Variants in INTS8 observed in about 807,000 individuals in gnomAD.
INTS8 encodes the protein integrator complex subunit 8.
Under a neutral mutation model 138.9 loss-of-function variants are expected in INTS8, and 47 were observed. The observed-to-expected ratio is 0.34, with a 90% CI of 0.27 to 0.43. INTS8 has a LOEUF of 0.43. Ranked by LOEUF, INTS8 falls within the 20% of genes least tolerant of loss-of-function variation. The pLI is 1.00. For missense variants in INTS8, 996 were observed against 1,173.0 expected, an observed-to-expected ratio of 0.85 and a Z score of 2.20; for synonymous variants, 392 against 400.9, an observed-to-expected ratio of 0.98 and a Z score of 0.27.
At chr8:94,866,320 T>G (rs746657695) in intron 18 of INTS8, 129 bp downstream of exon 18, 3 of 640,692 alleles carry the variant, frequency 4.7e-6, no homozygotes, top group African/African-American at 1.8e-5. Flanking sequence ...AGGGACAGGG[T>G]CTTGATCTGT....
chr8:94,868,362 C>G (rs562352840), intron 20 of INTS8, among the ~76,000 whole-genome samples: 1 of 152,122 alleles, frequency 6.6e-6, no homozygotes, highest in Non-Finnish European at 1.5e-5. Flanking sequence ...GAAAAGATTT[C>G]GGTACATAGA....
rs376492759 is a variant in INTS8 at position 94,850,231 on chromosome 8, G to A, written c.1507+140G>A. ...ATTAATAGAAATTCACCTGTCTTCCGTATCAGATTTCTGTATAAGCAGTTA... is the reference window on the plus strand; with the variant it reads ...ATTAATAGAAATTCACCTGTCTTCCATATCAGATTTCTGTATAAGCAGTTA... On this transcript the variant is annotated intron_variant, in intron 12 of 26. Transcript: ENST00000523731. 353 of 607,568 alleles carry A rather than the reference G, an allele frequency of 5.8e-4. 3 individuals carry two copies. The South Asian group carries it at 6.2e-3, about 11-fold the overall frequency. 37.6% of individuals were successfully genotyped at this position (607,568 alleles called of 1,614,324 possible).
In INTS8 at chr8:94,848,013, C is replaced by CTTTTT. The variant is rs58388097; in HGVS notation, c.1261-1440_1261-1436dup. 6.2e-5 allele frequency among the ~76,000 whole-genome samples: 8 copies of CTTTTT among 130,018 alleles called. 1 individual carries two copies. The highest frequency in any genetic ancestry group is 1.7e-4 in the African/African-American group (6 of 34,616). 85.3% of individuals were successfully genotyped at this position (130,018 alleles called of 152,430 possible). ...TGAACATAGCACTTTTAAAACACTGCTTTTTTTTTTTTTGAGATGGAGTCT... is the reference window on the plus strand; with the variant it reads ...TGAACATAGCACTTTTAAAACACTGCTTTTTTTTTTTTTTTTTTGAGATGGAGTCT... On this transcript the variant is annotated intron_variant, in intron 10 of 26. Transcript: ENST00000523731.
At chr8:94,829,580 A>G (rs548751846) in intron 5 of INTS8, among the ~76,000 whole-genome samples, 5 of 152,256 alleles carry the variant, frequency 3.3e-5, no homozygotes, top group African/African-American at 9.6e-5. Context: ...GTACCAGTCC[A>G]TGGCCTGGGG....
intron 20 of INTS8, 134 bp downstream of exon 20, chr8:94,867,471 A>G (rs988120344): frequency 4.9e-6 from 3 of 612,244 alleles, no homozygotes; most frequent in African/African-American, 3.8e-5. Flanking sequence ...GTGTTTCTCT[A>G]TTATGATAAT....
At chr8:94,858,269 G>T (rs1004709745) in intron 15 of INTS8, among the ~76,000 whole-genome samples, 1 of 152,190 alleles carries the variant, frequency 6.6e-6, no homozygotes, top group African/African-American at 2.4e-5. Flanking sequence ...AAGTGCTACC[G>T]TCTTGAGTCC....
At chr8:94,874,997 G>C (rs10100651) in intron 23 of INTS8, among the ~76,000 whole-genome samples, 75,516 of 151,902 alleles carry the variant, frequency 0.5, 18,923 homozygotes, top group East Asian at 0.65. Context: ...ACCCTCATAT[G>C]TTGCTGGTGG....
intron 12 of INTS8, among the ~76,000 whole-genome samples, chr8:94,851,195 G>A (rs934992884): frequency 1.3e-5 from 2 of 151,940 alleles, no homozygotes; most frequent in Admixed American, 1.3e-4. Context: ...ATATGCTTCT[G>A]TTAACACATT....
intron 2 of INTS8, among the ~76,000 whole-genome samples, 158 bp from the exon 3 acceptor site, chr8:94,827,104 CA>C (rs1184684653): frequency 6.7e-6 from 1 of 150,288 alleles, no homozygotes; most frequent in Admixed American, 6.6e-5. Context: ...GACTCTGTCT[CA>C]AAAAAAAGAA....
intron 6 of INTS8, 30 bp downstream of exon 6, chr8:94,832,204 G>A (rs1174560691): frequency 6.4e-7 from 1 of 1,562,526 alleles, no homozygotes. Flanking sequence ...TTTACGTAGG[G>A]CAATTTTTTG....
chr8:94,869,454 C>T (rs1003878379), intron 20 of INTS8, among the ~76,000 whole-genome samples: 8 of 152,062 alleles, frequency 5.3e-5, no homozygotes, highest in Non-Finnish European at 1.0e-4. Flanking sequence ...TGTGCCACCA[C>T]ACCTGGCTAA....
intron 13 of INTS8, among the ~76,000 whole-genome samples, chr8:94,853,047 A>G (rs545035814): frequency 6.6e-6 from 1 of 152,200 alleles, no homozygotes; most frequent in Admixed American, 6.5e-5. Context: ...GCAGTGGCTC[A>G]TTGCCTGTAA....
In INTS8 at chr8:94,874,549, T is replaced by C. The variant is rs1473258615; in HGVS notation, c.2638-3T>C. 1 of 1,550,168 alleles carries C rather than the reference T, an allele frequency of 6.5e-7. No homozygotes were observed. The highest frequency in any genetic ancestry group is 1.7e-5 in the Admixed American group (1 of 59,728). On this transcript the variant is annotated splice_polypyrimidine_tract_variant and splice_region_variant and intron_variant, in intron 22 of 26. Transcript: ENST00000523731. ...GAAAATAATGAGAATTTTGCTTTTG[T>C]AGGTAATAAAACGAATGATAAAATG... is the stretch of plus-strand genomic sequence containing the variant.
At chr8:94,854,410 G>A (rs1815670466) in intron 14 of INTS8, among the ~76,000 whole-genome samples, 1 of 152,074 alleles carries the variant, frequency 6.6e-6, no homozygotes, top group African/African-American at 2.4e-5. Flanking sequence ...AATGAATACT[G>A]CTCTGTGCCT....
Position 94,853,933 on chromosome 8 carries a change from TC to T in INTS8, c.1752+19del. ...CTGTTAAGGTGAGTAAAAGTGTGTA[TC>T]AAACACTTGTTAAGAATATGCTTTA... is the stretch of plus-strand genomic sequence containing the variant. On this transcript the variant is annotated intron_variant, in intron 14 of 26. Coordinates refer to ENST00000523731, the MANE Select transcript of INTS8 (RefSeq NM_017864.4). 5.8e-6 allele frequency: 8 copies of T among 1,370,190 alleles called. No individual in the cohort carries two copies. Among genetic ancestry groups the T allele is most frequent in the Non-Finnish European group, 7.3e-6 (7 of 958,150 alleles). The allele number at this position is 1,370,190 out of a possible 1,614,324, so 84.9% of individuals were successfully genotyped here.
chr8:94,823,342 C>A lies in INTS8; in HGVS notation c.-90C>A. 1 of 1,510,082 alleles carries A rather than the reference C, an allele frequency of 6.6e-7. No homozygotes were observed. The highest frequency in any genetic ancestry group is 8.8e-7 in the Non-Finnish European group (1 of 1,133,154). 93.5% of individuals were successfully genotyped at this position (1,510,082 alleles called of 1,614,324 possible). On this transcript the variant is annotated 5_prime_UTR_variant, in exon 1 of 27. Transcript: ENST00000523731. The stretch of plus-strand genomic sequence containing the variant: ...GTTCGGAGGGTGGCCTCTCTCCCAC[C>A]GGGTTCCGCATACCCCAGGCACCGG...
At chr8:94,847,922 T>G (rs923273338) in intron 10 of INTS8, among the ~76,000 whole-genome samples, 24 of 152,072 alleles carry the variant, frequency 1.6e-4, no homozygotes, top group African/African-American at 5.8e-4. Context: ...AAGTGTATAA[T>G]ACATACTCCA....
At chr8:94,867,652 T>C (rs1340444657) in intron 20 of INTS8, 1 of 195,882 alleles carries the variant, frequency 5.1e-6, no homozygotes, top group Non-Finnish European at 1.0e-5. Context: ...GCCTCCCAAA[T>C]AGCTGGGATT....
chr8:94,851,137 C>G (rs1426769655), intron 12 of INTS8, among the ~76,000 whole-genome samples: 1 of 152,162 alleles, frequency 6.6e-6, no homozygotes, highest in East Asian at 1.9e-4. Flanking sequence ...GCCCCTTTCT[C>G]TCATAAAACA....
Sources: gnomAD v4.1 joint callset for allele counts (sites outside exome capture counted in the v4.1 genomes callset) on GRCh38, gnomAD v4.1.1 for gene constraint, MANE v1.5 for transcripts, NCBI Gene and HGNC (gene_info 2026-07-23, HGNC 2026-07-21) for gene names.